Variants in ANO2 observed in about 807,000 individuals in gnomAD.
ANO2 encodes anoctamin 2.
Under a neutral mutation model 124.2 loss-of-function variants are expected in ANO2, and 101 were observed. The observed-to-expected ratio is 0.81, with a 90% CI of 0.69 to 0.96. The LOEUF (loss-of-function observed/expected upper bound fraction) is 0.96. ANO2 is among the 40% of genes least tolerant of loss of function. The pLI is 0.00. For missense variants in ANO2, 1,293 were observed against 1,274.5 expected, an observed-to-expected ratio of 1.01 and a Z score of -0.22; for synonymous variants, 486 against 482.5, an observed-to-expected ratio of 1.01 and a Z score of -0.09.
rs762636826 is a variant in ANO2, at chr12:5,921,209, G to T, written c.365C>A (p.Ser122Ter). 2.2e-5 allele frequency: 35 copies of T among 1,613,840 alleles called. No homozygotes were observed. The highest frequency in any genetic ancestry group is 8.3e-5 in the Admixed American group (5 of 59,998). The change falls in exon 3 of 25, where the codon TCG becomes TAG. Residue 122 changes from serine (S) to a stop codon, truncating the protein, a stop_gained. Transcript: ENST00000682330. LOFTEE classifies it high-confidence loss of function. ...VHLAQGFPGH[S>*]LAIVSNGETG... ...CTCCCCATTGGAGACGATAGCCAGC[G>T]AGTGGCCAGGGAAGCCTTGGGCCAG...
intron 20 of ANO2, among the ~76,000 whole-genome samples, chr12:5,579,268 G>T (rs1942600335): frequency 6.6e-6 from 1 of 152,216 alleles, no homozygotes; most frequent in African/African-American, 2.4e-5. Flanking sequence ...AGGCAAACAT[G>T]TGCAACAAGG....
intron 16 of ANO2, among the ~76,000 whole-genome samples, chr12:5,622,730 G>A (rs1025308577): frequency 6.6e-6 from 1 of 152,116 alleles, no homozygotes; most frequent in African/African-American, 2.4e-5. Context: ...TTGGGAGGCT[G>A]AGGAGGGCAG....
chr12:5,924,002 C>T (rs1565785485), intron 1 of ANO2, among the ~76,000 whole-genome samples: 1 of 152,226 alleles, frequency 6.6e-6, no homozygotes, highest in East Asian at 1.9e-4. Context: ...CTGCAAAGCA[C>T]CCAGAGCAGT....
chr12:5,649,964 T>C (rs73269260), intron 14 of ANO2, among the ~76,000 whole-genome samples: 2 of 152,186 alleles, frequency 1.3e-5, no homozygotes, highest in African/African-American at 4.8e-5. Flanking sequence ...AGGGTATTTT[T>C]AAAAGATTTT....
intron 14 of ANO2, among the ~76,000 whole-genome samples, chr12:5,649,002 C>A (rs1465133659): frequency 6.6e-6 from 1 of 152,184 alleles, no homozygotes; most frequent in Non-Finnish European, 1.5e-5. Context: ...TTCTAAAAAT[C>A]CCTCTGGGGC....
At chr12:5,688,846 A>G (rs1948810125) in intron 14 of ANO2, among the ~76,000 whole-genome samples, 1 of 145,732 alleles carries the variant, frequency 6.9e-6, no homozygotes, top group African/African-American at 2.6e-5. Flanking sequence ...GAGCTTCTCA[A>G]GTGCCAAGGA....
intron 3 of ANO2, among the ~76,000 whole-genome samples, chr12:5,871,600 G>C (rs1200344094): frequency 6.6e-6 from 1 of 152,136 alleles, no homozygotes; most frequent in East Asian, 1.9e-4. Context: ...GCACGCAAGG[G>C]ATCTAGGTTG....
Position 5,912,737 on chromosome 12 carries a change from G to C in ANO2, c.534+8303C>G, listed in dbSNP as rs114172536. On this transcript the variant is annotated intron_variant, in intron 3 of 24. Coordinates refer to ENST00000682330, the MANE Select transcript of ANO2 (RefSeq NM_001364791.2). ...CCCTCGGGGTAGGAAAGAGGCAAGG[G>C]AGAAGCCCAAGGTCCCAGCCTGCTG... Among the ~76,000 whole-genome samples the C allele has an allele frequency of 7.6e-3, 1,156 of 152,286 alleles. 14 individuals are homozygous for C. Among genetic ancestry groups the C allele is most frequent in the African/African-American group, 0.026 (1,090 of 41,560 alleles).
intron 3 of ANO2, among the ~76,000 whole-genome samples, chr12:5,869,096 G>A (rs1262866930): frequency 1.3e-5 from 2 of 152,156 alleles, no homozygotes; most frequent in East Asian, 1.9e-4. Context: ...CGCAGGAGGT[G>A]AACAGGAAGT....
In ANO2 at chr12:5,911,561, C is replaced by G. The variant is rs145589393; in HGVS notation, c.534+9479G>C. Among the ~76,000 whole-genome samples the G allele has an allele frequency of 1.4e-3, 210 of 152,304 alleles. 1 individual carries two copies. The highest frequency in any genetic ancestry group is 3.9e-3 in the African/African-American group (164 of 41,562). ...GACAGTAGGAAGCACGGGTGATACT[C>G]AAGATATTTAACAACCAGCATAACA... On this transcript the variant is annotated intron_variant, in intron 3 of 24. Transcript: ENST00000682330.
chr12:5,651,487 C>G (rs1026360019), intron 14 of ANO2, among the ~76,000 whole-genome samples: 1 of 151,952 alleles, frequency 6.6e-6, no homozygotes, highest in Non-Finnish European at 1.5e-5. Flanking sequence ...ATTGCACAAT[C>G]ATAGCTCACT....
intron 19 of ANO2, among the ~76,000 whole-genome samples, chr12:5,603,725 C>A (rs1041423535): frequency 1.3e-5 from 2 of 151,894 alleles, no homozygotes; most frequent in Non-Finnish European, 2.9e-5. Context: ...GCGGGCAGAT[C>A]ACGAGGTCAG....
intron 14 of ANO2, among the ~76,000 whole-genome samples, chr12:5,722,259 C>A (rs1950260521): frequency 6.6e-6 from 1 of 152,202 alleles, no homozygotes; most frequent in Non-Finnish European, 1.5e-5. Context: ...GTAATCCCAG[C>A]ACTTTGGGAG....
At chr12:5,665,565 G>T (rs1947660004) in intron 14 of ANO2, among the ~76,000 whole-genome samples, 1 of 152,108 alleles carries the variant, frequency 6.6e-6, no homozygotes, top group African/African-American at 2.4e-5. Flanking sequence ...TTTATTTGTT[G>T]CCCCAGAAAG....
At chr12:5,631,524 T>C (rs181862339) in intron 16 of ANO2, among the ~76,000 whole-genome samples, 1 of 152,310 alleles carries the variant, frequency 6.6e-6, no homozygotes, top group East Asian at 1.9e-4. Flanking sequence ...TTGTCGCTTG[T>C]CTTTGCTGTG....
chr12:5,801,638 T>C (rs1356470561), intron 9 of ANO2, among the ~76,000 whole-genome samples: 1 of 152,168 alleles, frequency 6.6e-6, no homozygotes, highest in East Asian at 1.9e-4. Context: ...TTCCAGCAAC[T>C]GCAAAACAGG....
chr12:5,715,750 C>A (rs1230980070), intron 14 of ANO2, among the ~76,000 whole-genome samples: 2 of 152,208 alleles, frequency 1.3e-5, no homozygotes, highest in Non-Finnish European at 2.9e-5. Context: ...GTAATTCCTG[C>A]AGACAGCACA....
At chr12:5,868,323 C>T (rs1457755401) in intron 3 of ANO2, among the ~76,000 whole-genome samples, 2 of 152,132 alleles carry the variant, frequency 1.3e-5, no homozygotes, top group Non-Finnish European at 2.9e-5. Flanking sequence ...AAGAAGAGCT[C>T]AGAGAGACCC....
rs535339916 is a variant in ANO2, at chr12:5,681,417, C to T, written c.1546-33616G>A. Among the ~76,000 whole-genome samples the T allele has an allele frequency of 3.3e-5, 5 of 152,240 alleles. No homozygotes were observed. The South Asian group carries it at 8.3e-4, about 25-fold the overall frequency. ...AGAAGATTTGGGGAAGGGCAGAGTG[C>T]CCAAGGTGCAGCCAATATCCCACCA... On this transcript the variant is annotated intron_variant, in intron 14 of 24. Coordinates refer to ENST00000682330, the MANE Select transcript of ANO2 (RefSeq NM_001364791.2).
Sources: allele counts gnomAD v4.1 joint callset (sites outside exome capture counted in the v4.1 genomes callset), GRCh38; gene constraint gnomAD v4.1.1; transcripts MANE v1.5; gene names NCBI Gene and HGNC (gene_info 2026-07-23, HGNC 2026-07-21).